Variants in WWOX observed in about 807,000 individuals in gnomAD.
WWOX encodes WW domain-containing oxidoreductase.
WWOX carries 69 observed loss-of-function variants against 46.2 expected under a neutral mutation model. The observed-to-expected ratio is 1.49, with a 90% CI of 1.23 to 1.82. The LOEUF (loss-of-function observed/expected upper bound fraction) is 1.82, where lower values mean the gene tolerates loss of function less well. Ranked by LOEUF, WWOX falls within the 40% of genes most tolerant of loss-of-function variation. WWOX has a pLI of 0.00. For synonymous variants in WWOX, 359 were observed against 202.6 expected (o/e 1.77, Z -6.56); for missense variants, 919 against 542.6 (o/e 1.69, Z -6.89).
intron 8 of WWOX, among the ~76,000 whole-genome samples, chr16:78,507,180 G>A (rs1216435639): frequency 6.6e-6 from 1 of 152,176 alleles, no homozygotes; most frequent in Non-Finnish European, 1.5e-5. Context: ...CTATTGAGGA[G>A]ACAGAACATG....
chr16:79,090,632 G>A (rs749285097), intron 8 of WWOX, among the ~76,000 whole-genome samples: 39 of 152,274 alleles, frequency 2.6e-4, no homozygotes, highest in Non-Finnish European at 4.0e-4. Context: ...TGAGTGGCCT[G>A]TGGACAGATT....
intron 8 of WWOX, among the ~76,000 whole-genome samples, chr16:78,909,577 C>T (rs934254165): frequency 4.6e-5 from 7 of 152,130 alleles, no homozygotes; most frequent in African/African-American, 1.2e-4. Context: ...GAGTGAAACC[C>T]ATCATTTGAC....
chr16:78,241,718 G>C (rs1184902782), intron 5 of WWOX, among the ~76,000 whole-genome samples: 1 of 152,112 alleles, frequency 6.6e-6, no homozygotes, highest in African/African-American at 2.4e-5. Context: ...GGGATTACAG[G>C]CGTGAACCAC....
At chr16:78,987,122 A>G (rs964585535) in intron 8 of WWOX, among the ~76,000 whole-genome samples, 4 of 152,196 alleles carry the variant, frequency 2.6e-5, no homozygotes, top group African/African-American at 9.7e-5. Flanking sequence ...ATAGCAGTAT[A>G]GGACTCCAAT....
intron 8 of WWOX, among the ~76,000 whole-genome samples, chr16:78,640,226 GTTTTTTTTT>G (rs34129775): frequency 3.1e-5 from 2 of 65,374 alleles, no homozygotes; most frequent in African/African-American, 6.1e-5. Context: ...TTGTTGTTGG[GTTTTTTTTT>G]TTTTTTTTTT....
At chr16:78,100,375 C>T (rs1417731473) in intron 1 of WWOX, among the ~76,000 whole-genome samples, 1 of 152,140 alleles carries the variant, frequency 6.6e-6, no homozygotes, top group Non-Finnish European at 1.5e-5. Flanking sequence ...ATCTCAGCCT[C>T]TTGAGTGGCT....
intron 8 of WWOX, among the ~76,000 whole-genome samples, chr16:78,728,715 A>G (rs1269012969): frequency 6.6e-6 from 1 of 152,190 alleles, no homozygotes; most frequent in East Asian, 1.9e-4. Flanking sequence ...AGCCTTTTCC[A>G]GTTTTCACAT....
chr16:78,935,908 T>C (rs2045727443), intron 8 of WWOX, among the ~76,000 whole-genome samples: 1 of 151,704 alleles, frequency 6.6e-6, no homozygotes, highest in Admixed American at 6.6e-5. Context: ...TGAGACCCTG[T>C]CTCAAAATAA....
intron 8 of WWOX, among the ~76,000 whole-genome samples, chr16:78,814,035 T>A (rs73577417): frequency 6.6e-6 from 1 of 152,186 alleles, no homozygotes; most frequent in South Asian, 2.1e-4. Context: ...TTCTTTTCTT[T>A]CCTTGCTGAA....
chr16:78,426,423 G>A (rs1426872255), intron 7 of WWOX, among the ~76,000 whole-genome samples: 1 of 152,154 alleles, frequency 6.6e-6, no homozygotes, highest in African/African-American at 2.4e-5. Context: ...ATCTCAAATG[G>A]TATTTCGTGT....
At chr16:78,968,958 T>C (rs1271204751) in intron 8 of WWOX, among the ~76,000 whole-genome samples, 2 of 152,104 alleles carry the variant, frequency 1.3e-5, no homozygotes, top group Non-Finnish European at 2.9e-5. Flanking sequence ...ACAGCTTTTT[T>C]CCACTTTCAA....
chr16:78,396,180 AC>A (rs1489579652), intron 6 of WWOX, among the ~76,000 whole-genome samples: 1 of 152,178 alleles, frequency 6.6e-6, no homozygotes, highest in African/African-American at 2.4e-5. Flanking sequence ...TTTCTTTCTT[AC>A]AGTAGTTGTG....
chr16:79,164,590 G>A (rs958112202), intron 8 of WWOX, among the ~76,000 whole-genome samples: 1 of 152,164 alleles, frequency 6.6e-6, no homozygotes, highest in Non-Finnish European at 1.5e-5. Flanking sequence ...TCATGGTGGA[G>A]ACCTCCGGCT....
intron 8 of WWOX, among the ~76,000 whole-genome samples, chr16:78,632,031 C>T (rs35940748): frequency 6.6e-6 from 1 of 151,484 alleles, no homozygotes; most frequent in African/African-American, 2.4e-5. Context: ...CCAATTTTTT[C>T]TTAAAAAAAA....
At chr16:78,935,924 A>C (rs2045727828) in intron 8 of WWOX, among the ~76,000 whole-genome samples, 1 of 152,018 alleles carries the variant, frequency 6.6e-6, no homozygotes, top group African/African-American at 2.4e-5. Flanking sequence ...AATAAAATAA[A>C]ATAAAATAAG....
At chr16:79,179,273 G>A (rs780235182) in intron 8 of WWOX, among the ~76,000 whole-genome samples, 1 of 152,168 alleles carries the variant, frequency 6.6e-6, no homozygotes, top group African/African-American at 2.4e-5. Flanking sequence ...GGTGGTGAAT[G>A]AACATAAAAA....
intron 5 of WWOX, among the ~76,000 whole-genome samples, chr16:78,312,052 T>C (rs1017968582): frequency 1.1e-4 from 17 of 152,128 alleles, no homozygotes; most frequent in African/African-American, 3.4e-4. Flanking sequence ...GCCAGCAACA[T>C]TGGGCTGACT....
At chr16:78,446,202 C>T (rs925864641) in intron 8 of WWOX, among the ~76,000 whole-genome samples, 3 of 152,198 alleles carry the variant, frequency 2.0e-5, no homozygotes, top group African/African-American at 7.2e-5. Flanking sequence ...GAAATACATA[C>T]ATCATACTTG....
intron 8 of WWOX, among the ~76,000 whole-genome samples, chr16:78,789,779 C>G (rs950582718): frequency 1.3e-5 from 2 of 152,168 alleles, no homozygotes; most frequent in African/African-American, 2.4e-5. Context: ...TGACATACAA[C>G]TTGCAGGAAA....
Sources: allele counts gnomAD v4.1 joint callset (sites outside exome capture counted in the v4.1 genomes callset), GRCh38; gene constraint gnomAD v4.1.1; transcripts MANE v1.5; gene names NCBI Gene and HGNC (gene_info 2026-07-23, HGNC 2026-07-21).